Variants in CDH13 observed in about 807,000 individuals in gnomAD.
The protein encoded by CDH13 is cadherin 13.
A neutral mutation model predicts 63.8 loss-of-function variants in CDH13; 24 were observed. That is an observed-to-expected ratio of 0.38 (90% CI 0.27 to 0.53). The LOEUF is 0.53. CDH13 is among the 20% of genes least tolerant of loss of function. The pLI is 0.85. For synonymous variants in CDH13, 503 were observed against 355.3 expected (o/e 1.42, Z -4.67); for missense variants, 1,049 against 903.1 (o/e 1.16, Z -2.07).
chr16:82,828,451 C>G (rs571063204), intron 1 of CDH13, among the ~76,000 whole-genome samples: 1 of 152,178 alleles, frequency 6.6e-6, no homozygotes, highest in Non-Finnish European at 1.5e-5. Context: ...AACCCCAATT[C>G]ACTAAAAATA....
intron 5 of CDH13, among the ~76,000 whole-genome samples, chr16:83,331,827 G>C (rs892801578): frequency 2.0e-5 from 3 of 152,130 alleles, no homozygotes; most frequent in African/African-American, 7.2e-5. Context: ...ACTTTCTGCA[G>C]ATACCATAGT....
At chr16:83,379,268 T>C (rs1336790077) in intron 6 of CDH13, among the ~76,000 whole-genome samples, 1 of 152,138 alleles carries the variant, frequency 6.6e-6, no homozygotes, top group African/African-American at 2.4e-5. Flanking sequence ...AAGTGTCAAC[T>C]AAAAAATATT....
chr16:83,490,228 A>T (rs1001844772), intron 7 of CDH13, among the ~76,000 whole-genome samples: 2 of 152,232 alleles, frequency 1.3e-5, no homozygotes, highest in African/African-American at 4.8e-5. Flanking sequence ...GCATCTACCA[A>T]GGAGGACCCC....
chr16:82,666,882 C>T (rs2150935717), intron 1 of CDH13, among the ~76,000 whole-genome samples: 1 of 152,262 alleles, frequency 6.6e-6, no homozygotes, highest in South Asian at 2.1e-4. Context: ...GAATCAGAAC[C>T]ACCTTGTCAA....
At chr16:83,202,064 A>G (rs1341457245) in intron 4 of CDH13, among the ~76,000 whole-genome samples, 1 of 152,194 alleles carries the variant, frequency 6.6e-6, no homozygotes, top group Non-Finnish European at 1.5e-5. Flanking sequence ...TTCTTTGCCA[A>G]GGTCTCTGCT....
intron 5 of CDH13, among the ~76,000 whole-genome samples, chr16:83,299,447 C>G (rs189105601): frequency 1.5e-4 from 23 of 152,326 alleles, no homozygotes; most frequent in African/African-American, 5.1e-4. Context: ...TCCTCATTCT[C>G]TCTAGGAACC....
intron 1 of CDH13, among the ~76,000 whole-genome samples, chr16:82,761,760 G>C (rs987417890): frequency 6.6e-6 from 1 of 152,178 alleles, no homozygotes; most frequent in Admixed American, 6.5e-5. Flanking sequence ...ATATTTTTGA[G>C]GGCTAAGAGT....
chr16:83,125,614 G>C (rs1292281317), intron 4 of CDH13, 113 bp downstream of exon 4: 1 of 598,642 alleles, frequency 1.7e-6, no homozygotes, highest in African/African-American at 1.9e-5. Flanking sequence ...ATCTGTCTAT[G>C]ATAAGAGACC....
intron 7 of CDH13, among the ~76,000 whole-genome samples, chr16:83,499,665 C>A (rs1343361475): frequency 6.6e-6 from 1 of 152,206 alleles, no homozygotes; most frequent in Non-Finnish European, 1.5e-5. Flanking sequence ...TCTCAAAGGG[C>A]TGTCATGAAG....
chr16:83,329,505 G>A (rs988740525), intron 5 of CDH13, among the ~76,000 whole-genome samples: 28 of 152,092 alleles, frequency 1.8e-4, no homozygotes, highest in South Asian at 6.2e-4. Context: ...CCAAAGTGCC[G>A]GGATTACAGG....
intron 4 of CDH13, among the ~76,000 whole-genome samples, chr16:83,147,248 C>T (rs2036789266): frequency 6.6e-6 from 1 of 152,216 alleles, no homozygotes. Context: ...ATTGTTCCGT[C>T]TTCTGTTTTC....
At chr16:82,781,329 C>G (rs187467721) in intron 1 of CDH13, among the ~76,000 whole-genome samples, 1 of 152,104 alleles carries the variant, frequency 6.6e-6, no homozygotes, top group Non-Finnish European at 1.5e-5. Context: ...TCCTGCCTAC[C>G]GTTCTGCTTG....
At chr16:83,366,246 C>T (rs570402878) in intron 6 of CDH13, among the ~76,000 whole-genome samples, 27 of 152,174 alleles carry the variant, frequency 1.8e-4, no homozygotes, top group African/African-American at 6.5e-4. Flanking sequence ...TCAAGTATTC[C>T]CAATACCAAC....
chr16:83,142,388 C>A (rs972051841), intron 4 of CDH13, among the ~76,000 whole-genome samples: 1 of 152,092 alleles, frequency 6.6e-6, no homozygotes, highest in African/African-American at 2.4e-5. Flanking sequence ...TCTCGAATTT[C>A]TGTCCTCAGG....
chr16:83,229,395 G>A (rs929185574), intron 5 of CDH13, among the ~76,000 whole-genome samples: 1 of 152,162 alleles, frequency 6.6e-6, no homozygotes, highest in Admixed American at 6.5e-5. Flanking sequence ...CAAGTAGAGG[G>A]TTGGGGAGCA....
At chr16:82,999,445 C>T (rs1459284005) in intron 2 of CDH13, among the ~76,000 whole-genome samples, 1 of 149,938 alleles carries the variant, frequency 6.7e-6, no homozygotes, top group Non-Finnish European at 1.5e-5. Flanking sequence ...CCACATAACA[C>T]ATGTTTATAT....
intron 1 of CDH13, among the ~76,000 whole-genome samples, chr16:82,681,728 C>G (rs561254422): frequency 1.2e-4 from 18 of 152,352 alleles, no homozygotes; most frequent in Middle Eastern, 3.4e-3. Context: ...TGAGGGCTCT[C>G]TCCGGCTGCC....
At chr16:83,464,435 C>T (rs754947120) in intron 6 of CDH13, among the ~76,000 whole-genome samples, 27 of 152,290 alleles carry the variant, frequency 1.8e-4, no homozygotes, top group Non-Finnish European at 3.1e-4. Flanking sequence ...TCGCTTGAAC[C>T]GAGGAGGTGG....
At chr16:83,425,848 A>G (rs1383203191) in intron 6 of CDH13, among the ~76,000 whole-genome samples, 2 of 151,410 alleles carry the variant, frequency 1.3e-5, no homozygotes. Flanking sequence ...TTCATTCAAC[A>G]ATTATTTATA....
Sources: gnomAD v4.1 joint callset for allele counts (sites outside exome capture counted in the v4.1 genomes callset) on GRCh38, gnomAD v4.1.1 for gene constraint, MANE v1.5 for transcripts, NCBI Gene and HGNC (gene_info 2026-07-23, HGNC 2026-07-21) for gene names.